Variants in COG5 observed in about 807,000 individuals in gnomAD.
COG5 encodes conserved oligomeric Golgi complex subunit 5.
In COG5, 86 loss-of-function variants were observed where a neutral mutation model predicts 110.4. That is an observed-to-expected ratio of 0.78 (90% CI 0.65 to 0.93). COG5 has a LOEUF of 0.93. COG5 is among the 40% of genes least tolerant of loss of function. The pLI is 0.00. For missense variants in COG5, 1,077 were observed against 987.0 expected, an observed-to-expected ratio of 1.09 and a Z score of -1.22; for synonymous variants, 360 against 334.6, an observed-to-expected ratio of 1.08 and a Z score of -0.83.
At chr7:107,390,192 C>T (rs1790516640) in intron 7 of COG5, among the ~76,000 whole-genome samples, 1 of 152,110 alleles carries the variant, frequency 6.6e-6, no homozygotes. Context: ...TGTCAGACAC[C>T]AAAGATTCAG....
At chr7:107,549,993 C>CT (rs1460719968) in intron 3 of COG5, among the ~76,000 whole-genome samples, 2 of 152,016 alleles carry the variant, frequency 1.3e-5, no homozygotes, top group Non-Finnish European at 2.9e-5. Flanking sequence ...TTCTCATTCC[C>CT]TATCTCTCTG....
intron 6 of COG5, among the ~76,000 whole-genome samples, chr7:107,427,677 T>C (rs1003392091): frequency 6.6e-6 from 1 of 152,018 alleles, no homozygotes; most frequent in African/African-American, 2.4e-5. Context: ...GGAGACATCC[T>C]ACCCACTCAG....
chr7:107,476,543 A>G (rs1797007881), intron 6 of COG5, among the ~76,000 whole-genome samples: 1 of 151,608 alleles, frequency 6.6e-6, no homozygotes, highest in African/African-American at 2.4e-5. Context: ...CCCACCCTCA[A>G]TTCATGTGGG....
intron 1 of COG5, among the ~76,000 whole-genome samples, chr7:107,558,558 C>T (rs909680852): frequency 3.7e-4 from 56 of 150,074 alleles, no homozygotes; most frequent in South Asian, 2.1e-4. Flanking sequence ...GAGCCGAGAT[C>T]GTGCCATTGC....
intron 18 of COG5, among the ~76,000 whole-genome samples, chr7:107,235,005 T>C (rs1801069266): frequency 6.6e-6 from 1 of 152,264 alleles, no homozygotes; most frequent in Non-Finnish European, 1.5e-5. Context: ...TCTCTGTTTT[T>C]ATGCTGTGGC....
At chr7:107,266,062 C>T (rs555004688) in intron 14 of COG5, among the ~76,000 whole-genome samples, 5 of 151,546 alleles carry the variant, frequency 3.3e-5, no homozygotes, top group Non-Finnish European at 4.4e-5. Context: ...ATAATAACAA[C>T]AATAATAATA....
chr7:107,551,633 CA>C (rs1802895715), intron 3 of COG5, among the ~76,000 whole-genome samples: 1 of 151,870 alleles, frequency 6.6e-6, no homozygotes, highest in Non-Finnish European at 1.5e-5. Context: ...TTTTTTGAGA[CA>C]GGGTCTAGGG....
At chr7:107,559,376 C>A (rs1288384129) in intron 1 of COG5, among the ~76,000 whole-genome samples, 1 of 152,272 alleles carries the variant, frequency 6.6e-6, no homozygotes, top group South Asian at 2.1e-4. Context: ...ACAGTAGATA[C>A]AAGTAAAGCT....
At chr7:107,286,061 C>T (rs1805602863) in intron 12 of COG5, among the ~76,000 whole-genome samples, 1 of 151,884 alleles carries the variant, frequency 6.6e-6, no homozygotes, top group South Asian at 2.1e-4. Context: ...TAGGATGAGG[C>T]AAAGGAAGGC....
chr7:107,476,652 A>G lies in COG5; in HGVS notation c.538+50585T>C, dbSNP rs182210923. Among the ~76,000 whole-genome samples, 7 of 151,858 alleles carry G rather than the reference A, an allele frequency of 4.6e-5. No homozygotes were observed. In the East Asian group the frequency reaches 1.4e-3, roughly 29 times the overall value. ...ATTGTTATAATGTAATAATCTATCG[A>G]TAAGTGTCAATATCACTATCAGAAA... On this transcript the variant is annotated intron_variant, in intron 6 of 21. Transcript: ENST00000297135.
chr7:107,535,188 A>C (rs1026108500), intron 5 of COG5, among the ~76,000 whole-genome samples: 2 of 151,732 alleles, frequency 1.3e-5, no homozygotes, highest in Non-Finnish European at 2.9e-5. Flanking sequence ...AGGGAAATTT[A>C]TAGCACTAAA....
At position 107,232,143 on chromosome 7, in the gene COG5, G is replaced by A. The variant is rs146173189; in HGVS notation, c.2092-1452C>T. Among the ~76,000 whole-genome samples, 7 of 152,244 alleles carry A rather than the reference G, an allele frequency of 4.6e-5. No individual in the cohort carries two copies. The East Asian group carries it at 9.7e-4, about 21-fold the overall frequency. ...TTATATGGCTGGGAAACTATAAAAT[G>A]AAGAATCATAAATAAATATAAAGAT... On this transcript the variant is annotated intron_variant, in intron 18 of 21. Coordinates refer to ENST00000297135, the MANE Select transcript of COG5 (RefSeq NM_006348.5).
chr7:107,351,880 A>C (rs898837344), intron 10 of COG5, among the ~76,000 whole-genome samples: 13 of 149,766 alleles, frequency 8.7e-5, no homozygotes, highest in African/African-American at 2.0e-4. Context: ...AAACTAGTTC[A>C]ACCATTGTGG....
intron 6 of COG5, among the ~76,000 whole-genome samples, chr7:107,456,824 A>C (rs10268630): frequency 0.011 from 1,717 of 152,348 alleles, 34 homozygotes; most frequent in African/African-American, 0.039. Context: ...CTAAAAAGGG[A>C]GATACCATTA....
chr7:107,559,242 A>AAT (rs1245389225), intron 1 of COG5, among the ~76,000 whole-genome samples: 1 of 152,200 alleles, frequency 6.6e-6, no homozygotes, highest in Non-Finnish European at 1.5e-5. Context: ...AGATGTTAAA[A>AAT]AGATACCCCT....
At chr7:107,424,047 C>T (rs958646422) in intron 6 of COG5, among the ~76,000 whole-genome samples, 4 of 152,094 alleles carry the variant, frequency 2.6e-5, no homozygotes, top group African/African-American at 7.2e-5. Context: ...CTGAGGCTGG[C>T]GGACTGCCCG....
At chr7:107,236,340 T>G (rs1801189462) in intron 18 of COG5, 110 bp downstream of exon 18, 1 of 851,500 alleles carries the variant, frequency 1.2e-6, no homozygotes, top group African/African-American at 1.7e-5. Flanking sequence ...TGGGCTTACT[T>G]TTCTTTGTGC....
intron 7 of COG5, among the ~76,000 whole-genome samples, chr7:107,379,050 C>G (rs187900109): frequency 6.6e-5 from 10 of 152,252 alleles, no homozygotes; most frequent in Admixed American, 2.0e-4. Flanking sequence ...AAAGGGAAGC[C>G]CATCAGACTA....
chr7:107,396,194 A>G (rs1352676492), intron 7 of COG5, among the ~76,000 whole-genome samples: 1 of 152,114 alleles, frequency 6.6e-6, no homozygotes, highest in East Asian at 1.9e-4. Flanking sequence ...TACAAGAATT[A>G]AAGGAAAAGA....
Sources: gnomAD v4.1 joint callset for allele counts (sites outside exome capture counted in the v4.1 genomes callset) on GRCh38, gnomAD v4.1.1 for gene constraint, MANE v1.5 for transcripts, NCBI Gene and HGNC (gene_info 2026-07-23, HGNC 2026-07-21) for gene names.